Variants in SORBS2 observed in about 807,000 individuals in gnomAD.
SORBS2 encodes sorbin and SH3 domain-containing protein 2.
A neutral mutation model predicts 97.7 loss-of-function variants in SORBS2; 46 were observed. That is an observed-to-expected ratio of 0.47 (90% CI 0.37 to 0.60). The LOEUF (loss-of-function observed/expected upper bound fraction) is 0.60, where lower values mean the gene tolerates loss of function less well. SORBS2 is among the 20% of genes least tolerant of loss of function. The pLI is 0.00. For missense variants in SORBS2, 1,316 were observed against 1,282.3 expected (o/e 1.03, Z -0.40); for synonymous variants, 476 against 473.4 (o/e 1.01, Z -0.07).
intron 12 of SORBS2, among the ~76,000 whole-genome samples, chr4:185,605,253 C>A (rs2096380540): frequency 6.6e-6 from 1 of 152,182 alleles, no homozygotes; most frequent in African/African-American, 2.4e-5. Flanking sequence ...ATACTTGCTT[C>A]TTAATTCACA....
intron 4 of SORBS2, among the ~76,000 whole-genome samples, chr4:185,633,693 T>C (rs942582648): frequency 6.6e-6 from 1 of 151,360 alleles, no homozygotes; most frequent in African/African-American, 2.4e-5. Flanking sequence ...ATAAAGGAAA[T>C]AGCACAGAAA....
At chr4:185,717,416 A>C (rs114942110) in intron 2 of SORBS2, among the ~76,000 whole-genome samples, 1 of 152,346 alleles carries the variant, frequency 6.6e-6, no homozygotes, top group African/African-American at 2.4e-5. Context: ...CATGGCAACT[A>C]TTATCTGAGG....
chr4:185,744,571 T>C (rs2153590039), intron 2 of SORBS2, among the ~76,000 whole-genome samples: 1 of 152,346 alleles, frequency 6.6e-6, no homozygotes, highest in Non-Finnish European at 1.5e-5. Context: ...TGAAGTGATG[T>C]TATCTTGCAA....
At chr4:185,618,513 T>C in intron 9 of SORBS2, 72 bp downstream of exon 21, 2 of 802,924 alleles carry the variant, frequency 2.5e-6, no homozygotes, top group South Asian at 2.8e-5. Flanking sequence ...CCTACTGCAA[T>C]GCTTATCTCT....
chr4:185,704,610 C>T (rs2098314308), intron 2 of SORBS2, among the ~76,000 whole-genome samples: 1 of 151,976 alleles, frequency 6.6e-6, no homozygotes, highest in Admixed American at 6.5e-5. Flanking sequence ...TGAGCCACCG[C>T]ACCTGGCCCA....
intron 1 of SORBS2, among the ~76,000 whole-genome samples, chr4:185,795,295 AAAT>A (rs2099099607): frequency 6.6e-6 from 1 of 152,104 alleles, no homozygotes; most frequent in South Asian, 2.1e-4. Context: ...ACACCCTCAA[AAAT>A]AGAAGAAAGA....
chr4:185,886,622 T>A (rs1167875054), intron 1 of SORBS2, among the ~76,000 whole-genome samples: 2 of 151,084 alleles, frequency 1.3e-5, no homozygotes, highest in Non-Finnish European at 2.9e-5. Context: ...TGGCCTGGTC[T>A]GGTTCTGCTC....
intron 1 of SORBS2, among the ~76,000 whole-genome samples, chr4:185,931,055 C>G (rs778088249): frequency 7.2e-5 from 11 of 152,026 alleles, no homozygotes; most frequent in Non-Finnish European, 1.6e-4. Context: ...GATATCTTCA[C>G]TTTTTATGGT....
intron 5 of SORBS2, among the ~76,000 whole-genome samples, 200 bp from the exon 18 acceptor site, chr4:185,627,219 T>C (rs2096829895): frequency 6.6e-6 from 1 of 152,216 alleles, no homozygotes; most frequent in Non-Finnish European, 1.5e-5. Context: ...GACCTTATTA[T>C]TTATTTTGAG....
chr4:185,593,901 T>C, exon 13 of SORBS2: 1 of 1,606,866 alleles, frequency 6.2e-7, no homozygotes, highest in Middle Eastern at 1.7e-4. Flanking sequence ...CCCCCCACCT[T>C]GAATATTTTC....
chr4:185,951,602 G>T (rs1385271354), intron 1 of SORBS2, among the ~76,000 whole-genome samples: 1 of 152,138 alleles, frequency 6.6e-6, no homozygotes, highest in African/African-American at 2.4e-5. Flanking sequence ...GGATCTGTCA[G>T]ACTTGCTTGG....
At position 185,908,294 on chromosome 4, in the gene SORBS2, T is replaced by TATATATTTGTATACACACAA. The variant is rs1554049914; in HGVS notation, c.-338+47901_-338+47902insTTGTGTGTATACAAATATAT. ...TGCAAAGGCTATATATATATATATATATATATATATATATATATATATATA... is the reference window on the plus strand; with the variant it reads ...TGCAAAGGCTATATATATATATATATATATATTTGTATACACACAAATATATATATATATATATATATATA... On this transcript the variant is annotated intron_variant, in intron 1 of 20. Transcript: ENST00000284776. Among the ~76,000 whole-genome samples the TATATATTTGTATACACACAA allele has an allele frequency of 1.3e-4, 10 of 75,692 alleles. No homozygotes were observed. In the East Asian group the frequency reaches 2.1e-3, roughly 16 times the overall value. The allele number at this position is 75,692 out of a possible 152,430, so 49.7% of individuals were successfully genotyped here.
At chr4:185,625,955 T>C (rs939660617) in intron 6 of SORBS2, among the ~76,000 whole-genome samples, 1 of 152,222 alleles carries the variant, frequency 6.6e-6, no homozygotes, top group Non-Finnish European at 1.5e-5. Context: ...TCTTTACACA[T>C]TTCAAAATCT....
chr4:185,926,544 G>T (rs187931021), intron 1 of SORBS2, among the ~76,000 whole-genome samples: 105 of 104,322 alleles, frequency 1.0e-3, no homozygotes, highest in Admixed American at 7.4e-3. Flanking sequence ...AAATGTTCAA[G>T]TTGTGGTTTT....
chr4:185,769,392 T>G (rs1297451001), intron 2 of SORBS2, among the ~76,000 whole-genome samples: 2 of 152,210 alleles, frequency 1.3e-5, no homozygotes, highest in Non-Finnish European at 2.9e-5. Flanking sequence ...AAATCTGGTG[T>G]TGTTTGGCAT....
intron 1 of SORBS2, among the ~76,000 whole-genome samples, chr4:185,801,329 A>C (rs768138464): frequency 6.6e-6 from 1 of 152,138 alleles, no homozygotes; most frequent in African/African-American, 2.4e-5. Flanking sequence ...CTTTGTATGT[A>C]TATCCAGAAG....
At chr4:185,897,214 G>A (rs181549732) in intron 1 of SORBS2, among the ~76,000 whole-genome samples, 2 of 152,204 alleles carry the variant, frequency 1.3e-5, no homozygotes, top group African/African-American at 4.8e-5. Flanking sequence ...CTTTCGCTCC[G>A]CCTTTCTGGG....
chr4:185,739,632 C>T (rs1166043698), intron 2 of SORBS2, among the ~76,000 whole-genome samples: 1 of 152,152 alleles, frequency 6.6e-6, no homozygotes, highest in Admixed American at 6.5e-5. Flanking sequence ...AAATGGTTCC[C>T]TCTAAGCTTC....
At chr4:185,820,693 C>T (rs753500597) in intron 1 of SORBS2, among the ~76,000 whole-genome samples, 11 of 152,198 alleles carry the variant, frequency 7.2e-5, no homozygotes, top group African/African-American at 2.4e-4. Context: ...AAAGAGGCAC[C>T]GTGTTCTTTA....
Sources: allele counts gnomAD v4.1 joint callset (sites outside exome capture counted in the v4.1 genomes callset), GRCh38; gene constraint gnomAD v4.1.1; transcripts MANE v1.5; gene names NCBI Gene and HGNC (gene_info 2026-07-23, HGNC 2026-07-21).